TSPAN14: variants seen among roughly 807,000 people sequenced by gnomAD.
TSPAN14 encodes the protein tetraspanin-14.
In TSPAN14, 16 loss-of-function variants were observed where a neutral mutation model predicts 36.6. That is an observed-to-expected ratio of 0.44 (90% CI 0.30 to 0.66). The LOEUF (loss-of-function observed/expected upper bound fraction) is 0.66, where lower values mean the gene tolerates loss of function less well. Ranked by LOEUF, TSPAN14 falls within the 30% of genes least tolerant of loss-of-function variation. TSPAN14 has a pLI of 0.12. For synonymous variants in TSPAN14, 139 were observed against 143.8 expected, an observed-to-expected ratio of 0.97 and a Z score of 0.24; for missense variants, 231 against 355.1, an observed-to-expected ratio of 0.65 and a Z score of 2.81.
At position 80,468,290 on chromosome 10, in the gene TSPAN14, G is replaced by A. The variant is rs78741889; in HGVS notation, c.-18+13919G>A. On this transcript the variant is annotated intron_variant, in intron 1 of 8. Coordinates refer to ENST00000429989, the Ensembl canonical transcript of TSPAN14. ...CACTGCTCTAGGCTGTGTTTCTGCCGGCACGAACACAGGAGGGCGGTGGTC... is the reference window on the plus strand; with the variant it reads ...CACTGCTCTAGGCTGTGTTTCTGCCAGCACGAACACAGGAGGGCGGTGGTC... 2.2e-4 allele frequency among the ~76,000 whole-genome samples: 34 copies of A among 152,072 alleles called. No homozygotes were observed. The East Asian group carries it at 5.6e-3, about 25-fold the overall frequency.
chr10:80,458,604 G>C (rs1250378992), intron 1 of TSPAN14, among the ~76,000 whole-genome samples: 3 of 152,224 alleles, frequency 2.0e-5, no homozygotes, highest in Non-Finnish European at 4.4e-5. Flanking sequence ...CAGGCTATCA[G>C]AGTACCCAGG....
intron 1 of TSPAN14, among the ~76,000 whole-genome samples, chr10:80,478,658 T>TGA (rs1340718057): frequency 6.6e-6 from 1 of 152,128 alleles, no homozygotes; most frequent in African/African-American, 2.4e-5. Context: ...TCAATACATC[T>TGA]GAATATAGGA....
At chr10:80,473,497 C>T (rs562870103) in intron 1 of TSPAN14, among the ~76,000 whole-genome samples, 10 of 152,244 alleles carry the variant, frequency 6.6e-5, no homozygotes, top group African/African-American at 2.2e-4. Context: ...CCAGGGCTGG[C>T]GGTCAGGGGC....
At chr10:80,479,447 C>T (rs1220617477) in intron 1 of TSPAN14, among the ~76,000 whole-genome samples, 3 of 152,156 alleles carry the variant, frequency 2.0e-5, no homozygotes, top group Non-Finnish European at 2.9e-5. Context: ...AAGTCTTTAA[C>T]CCATCTTGAA....
chr10:80,495,067 C>T (rs1172596457), intron 2 of TSPAN14, among the ~76,000 whole-genome samples: 1 of 152,134 alleles, frequency 6.6e-6, no homozygotes. Flanking sequence ...ATTATCTTTC[C>T]AATTGTATTT....
intron 2 of TSPAN14, among the ~76,000 whole-genome samples, chr10:80,489,589 A>C (rs1847812561): frequency 6.6e-6 from 1 of 152,216 alleles, no homozygotes; most frequent in Non-Finnish European, 1.5e-5. Context: ...TGTCTCCCCT[A>C]CCTGCCCCCT....
At position 80,471,783 on chromosome 10, in the gene TSPAN14, G is replaced by T. The variant is rs141083570; in HGVS notation, c.-18+17412G>T. On this transcript the variant is annotated intron_variant, in intron 1 of 8. Coordinates refer to ENST00000429989, the Ensembl canonical transcript of TSPAN14. ...GTGGGTAGCAGGTGTGGGGTGAGTG[G>T]CAGGTGTGGGTGACCAGGCCCTGCC... Among the ~76,000 whole-genome samples, 1,338 of 152,288 alleles carry T rather than the reference G, an allele frequency of 8.8e-3. 16 individuals carry two copies. The highest frequency in any genetic ancestry group is 0.031 in the African/African-American group (1,284 of 41,554).
At chr10:80,489,980 A>G (rs1303035544) in intron 2 of TSPAN14, among the ~76,000 whole-genome samples, 1 of 152,230 alleles carries the variant, frequency 6.6e-6, no homozygotes, top group Non-Finnish European at 1.5e-5. Context: ...ACAGAAGGCC[A>G]TGTGGCTGGA....
chr10:80,479,402 C>A (rs1018018086), intron 1 of TSPAN14, among the ~76,000 whole-genome samples: 5 of 152,044 alleles, frequency 3.3e-5, no homozygotes, highest in Non-Finnish European at 5.9e-5. Context: ...CCTAGGTTTT[C>A]TTCTAGGGTT....
chr10:80,474,814 G>A (rs1380465952), intron 1 of TSPAN14, among the ~76,000 whole-genome samples: 1 of 152,064 alleles, frequency 6.6e-6, no homozygotes, highest in East Asian at 1.9e-4. Context: ...CATGTCATCC[G>A]GCTTCCTTCC....
At chr10:80,478,042 C>A (rs377403206) in intron 1 of TSPAN14, among the ~76,000 whole-genome samples, 1 of 151,914 alleles carries the variant, frequency 6.6e-6, no homozygotes, top group Non-Finnish European at 1.5e-5. Context: ...CTTAGTCATG[C>A]GGACTGCCAG....
intron 6 of TSPAN14, 79 bp downstream of exon 6, chr10:80,512,348 A>C (rs1840706618): frequency 7.0e-6 from 11 of 1,565,070 alleles, no homozygotes; most frequent in Non-Finnish European, 9.5e-6. Context: ...CCAGTGCTCT[A>C]GGATACTTCT....
chr10:80,462,026 G>A (rs977958448), intron 1 of TSPAN14, among the ~76,000 whole-genome samples: 1 of 151,480 alleles, frequency 6.6e-6, no homozygotes, highest in South Asian at 2.1e-4. Flanking sequence ...TGATCCTCCC[G>A]CCTCAGCCTC....
At chr10:80,456,824 AGGCCGAGGTG>A in intron 1 of TSPAN14, among the ~76,000 whole-genome samples, 1 of 152,296 alleles carries the variant, frequency 6.6e-6, no homozygotes, top group South Asian at 2.1e-4. Context: ...GCACTTTGGG[AGGCCGAGGTG>A]GGTGGATCAC....
intron 2 of TSPAN14, among the ~76,000 whole-genome samples, chr10:80,502,355 G>A (rs1322854335): frequency 6.6e-6 from 1 of 152,136 alleles, no homozygotes; most frequent in Non-Finnish European, 1.5e-5. Context: ...GCAGAGTTTC[G>A]AGGAGGGGAG....
chr10:80,516,934 C>T (rs1840970169), intron 8 of TSPAN14, among the ~76,000 whole-genome samples: 1 of 152,188 alleles, frequency 6.6e-6, no homozygotes, highest in Admixed American at 6.5e-5. Flanking sequence ...GGTGGCTGAG[C>T]AGGCAGTGAG....
At chr10:80,489,584 C>A (rs1300823200) in intron 2 of TSPAN14, among the ~76,000 whole-genome samples, 1 of 152,242 alleles carries the variant, frequency 6.6e-6, no homozygotes, top group African/African-American at 2.4e-5. Flanking sequence ...CTGTCTGTCT[C>A]CCCTACCTGC....
Position 80,515,988 on chromosome 10 carries a change from C to G in TSPAN14, c.622-216C>G, listed in dbSNP as rs1490746332. 6 of 600,906 alleles carry G rather than the reference C, an allele frequency of 1.0e-5. No homozygotes were observed. In the Admixed American group the frequency reaches 1.8e-4, roughly 19 times the overall value. The allele number at this position is 600,906 out of a possible 1,614,324, so 37.2% of individuals were successfully genotyped here. A position where few individuals can be genotyped will look rare whatever the true frequency, so the allele number is the denominator to read the frequency against. On this transcript the variant is annotated intron_variant, in intron 7 of 8. Transcript: ENST00000429989. Reference sequence around the variant, plus strand: ...GACCTGAAAGGAAACAGCCAGGGAGCCTTTGGTCAGACAGGTGGTGCGATG... The same window carrying G: ...GACCTGAAAGGAAACAGCCAGGGAGGCTTTGGTCAGACAGGTGGTGCGATG...
rs1269198260 is a variant in TSPAN14, at chr10:80,458,170, T to C, written c.-18+3799T>C. Among the ~76,000 whole-genome samples the C allele has an allele frequency of 8.5e-5, 13 of 152,286 alleles. No individual in the cohort carries two copies. In the South Asian group the frequency reaches 1.9e-3, roughly 22 times the overall value. The stretch of plus-strand genomic sequence containing the variant: ...GGTAGCGATACCCAGGCAGGCCTGG[T>C]CCTCCCCACTTTTGTGGGACTCGGG... On this transcript the variant is annotated intron_variant, in intron 1 of 8. Transcript: ENST00000429989.
Sources: gnomAD v4.1 joint callset for allele counts (sites outside exome capture counted in the v4.1 genomes callset) on GRCh38, gnomAD v4.1.1 for gene constraint, MANE v1.5 for transcripts, NCBI Gene and HGNC (gene_info 2026-07-23, HGNC 2026-07-21) for gene names.